ARHGEF18: variants seen among roughly 807,000 people sequenced by gnomAD.
ARHGEF18 encodes rho guanine nucleotide exchange factor 18.
In ARHGEF18, 93 loss-of-function variants were observed where a neutral mutation model predicts 155.7. The observed-to-expected ratio is 0.60, with a 90% CI of 0.50 to 0.71. The LOEUF (loss-of-function observed/expected upper bound fraction) is 0.71. ARHGEF18 is among the 30% of genes least tolerant of loss of function. The probability of loss-of-function intolerance (pLI) is 0.00; values close to 1 mark genes in which losing one functional copy is unlikely to be tolerated. For missense variants in ARHGEF18, 1,593 were observed against 1,816.1 expected, an observed-to-expected ratio of 0.88 and a Z score of 2.23; for synonymous variants, 742 against 753.1, an observed-to-expected ratio of 0.99 and a Z score of 0.24.
chr19:7,353,603 GAAAA>G (rs939325292), intron 1 of ARHGEF18, among the ~76,000 whole-genome samples: 1 of 148,446 alleles, frequency 6.7e-6, no homozygotes, highest in South Asian at 2.1e-4. Flanking sequence ...AAAAAAAAAA[GAAAA>G]AGAAAAGAAA....
chr19:7,464,694 C>T lies in ARHGEF18; in HGVS notation c.2904+4C>T, dbSNP rs1464355605. On this transcript the variant is annotated splice_donor_region_variant and intron_variant, in intron 23 of 28. Coordinates refer to ENST00000668164, the MANE Select transcript of ARHGEF18 (RefSeq NM_001367823.1). ...CTCTGAGGAATCGCCGCAGGTGGTA[C>T]GTGGATATCCATTTGCTCGGTACAG... is the stretch of plus-strand genomic sequence containing the variant. The T allele has an allele frequency of 4.3e-6, 7 of 1,613,754 alleles. No homozygotes were observed. In the South Asian group the frequency reaches 4.4e-5, roughly 10 times the overall value.
rs1481550159 is a variant in ARHGEF18, at chr19:7,463,207, G to A, written c.2636-611G>A. On this transcript the variant is annotated intron_variant, in intron 21 of 28. Coordinates refer to ENST00000668164, the MANE Select transcript of ARHGEF18 (RefSeq NM_001367823.1). The surrounding 1 kb of genome is among the most constrained non-coding windows in gnomAD (Gnocchi z 5.2). ...CCAGAGCCTTTCCGCAGAATAAGAC[G>A]GCAGAGACGGGGGTCAGTCTTTCTC... Among the ~76,000 whole-genome samples, 6 of 152,104 alleles carry A rather than the reference G, an allele frequency of 3.9e-5. No individual in the cohort carries two copies. Among genetic ancestry groups the A allele is most frequent in the East Asian group, 1.9e-4 (1 of 5,192 alleles).
intron 10 of ARHGEF18, among the ~76,000 whole-genome samples, chr19:7,397,130 T>G (rs1971758038): frequency 6.6e-6 from 1 of 151,874 alleles, no homozygotes; most frequent in Non-Finnish European, 1.5e-5. Context: ...GAAGATGTGT[T>G]TGTTCTAGAG....
At chr19:7,355,952 A>G (rs1019060708) in intron 1 of ARHGEF18, among the ~76,000 whole-genome samples, 1 of 152,148 alleles carries the variant, frequency 6.6e-6, no homozygotes, top group African/African-American at 2.4e-5. Flanking sequence ...GTAAATTTGC[A>G]GAAAGAAAGT....
chr19:7,461,465 G>A (rs548205133), intron 20 of ARHGEF18, among the ~76,000 whole-genome samples: 34 of 152,186 alleles, frequency 2.2e-4, no homozygotes, highest in Admixed American at 2.1e-3. Flanking sequence ...CAGGAGAATC[G>A]CTTGAACCCG....
Position 7,421,197 on chromosome 19 carries a change from C to T in ARHGEF18, c.968-19147C>T, listed in dbSNP as rs1258608520. On this transcript the variant is annotated intron_variant, in intron 10 of 28. Coordinates refer to ENST00000668164, the MANE Select transcript of ARHGEF18 (RefSeq NM_001367823.1). ...TCTGCCCACTTCAGCCTCCAAATGCCGTTCCTCAGGATTATGTCTTTGACT... is the reference window on the plus strand; with the variant it reads ...TCTGCCCACTTCAGCCTCCAAATGCTGTTCCTCAGGATTATGTCTTTGACT... Among the ~76,000 whole-genome samples the T allele has an allele frequency of 5.9e-5, 9 of 152,098 alleles. No homozygotes were observed. The South Asian group carries it at 8.3e-4, about 14-fold the overall frequency.
intron 10 of ARHGEF18, among the ~76,000 whole-genome samples, chr19:7,396,156 CCCCTTATCTCTTGCTCTGT>C (rs1193509694): frequency 2.0e-5 from 3 of 152,124 alleles, no homozygotes; most frequent in Non-Finnish European, 4.4e-5. Context: ...TGGCTATCTG[CCCCTTATCTCTTGCTCTGT>C]TGAGATTAAA....
In ARHGEF18 at chr19:7,373,019, T is replaced by C; in HGVS notation, c.223T>C (p.Ser75Pro). 3 of 1,234,420 alleles carry C rather than the reference T, an allele frequency of 2.4e-6. No individual in the cohort carries two copies. The highest frequency in any genetic ancestry group is 3.0e-6 in the Non-Finnish European group (3 of 988,190). 76.5% of individuals were successfully genotyped at this position (1,234,420 alleles called of 1,614,324 possible). Residue 75 changes from serine (S) to proline (P), a missense_variant, in exon 3 of 29, where the codon TCA (serine) becomes CCA (proline). Physicochemically the swap from Ser to Pro is moderately conservative, Grantham distance 74. Coordinates refer to ENST00000668164, the MANE Select transcript of ARHGEF18 (RefSeq NM_001367823.1). ...FSSLAGSQDLSRRRSWERSRS... is the reference protein window; with the variant it reads ...FSSLAGSQDLPRRRSWERSRS... ...CAGCTTGGCAGGGTCCCAAGACCTGTCAAGGCGGCGCAGCTGGGAAAGGTC... is the reference window on the plus strand; with the variant it reads ...CAGCTTGGCAGGGTCCCAAGACCTGCCAAGGCGGCGCAGCTGGGAAAGGTC...
intron 10 of ARHGEF18, among the ~76,000 whole-genome samples, chr19:7,414,978 G>A (rs1972914663): frequency 1.3e-5 from 2 of 152,066 alleles, no homozygotes; most frequent in Non-Finnish European, 2.9e-5. Context: ...CTGGGCCACA[G>A]AGTAAAATTC....
chr19:7,465,851 C>T (rs1976574427), intron 23 of ARHGEF18, among the ~76,000 whole-genome samples: 3 of 152,164 alleles, frequency 2.0e-5, no homozygotes, highest in South Asian at 4.2e-4. Flanking sequence ...TTCAGGAGGC[C>T]GACTCGGGTG....
chr19:7,435,487 A>G (rs1215830070), intron 10 of ARHGEF18, among the ~76,000 whole-genome samples: 1 of 152,066 alleles, frequency 6.6e-6, no homozygotes, highest in Non-Finnish European at 1.5e-5. Flanking sequence ...TTCCCGGGGA[A>G]CAAATGGGCC....
intron 10 of ARHGEF18, among the ~76,000 whole-genome samples, chr19:7,385,868 TCTCCCCCCTCC>T (rs1568285778): frequency 2.9e-4 from 13 of 45,300 alleles, no homozygotes; most frequent in African/African-American, 1.0e-3. Context: ...TCTCTCTCTC[TCTCCCCCCTCC>T]CTCTCTCCCT....
At chr19:7,453,177 A>G (rs1975597271) in intron 16 of ARHGEF18, among the ~76,000 whole-genome samples, 2 of 152,084 alleles carry the variant, frequency 1.3e-5, no homozygotes, top group Non-Finnish European at 2.9e-5. Flanking sequence ...AGCCTGGGTG[A>G]CAGAGCCAGA....
In ARHGEF18 at chr19:7,440,094, G is replaced by A. The variant is rs1481787208; in HGVS notation, c.968-250G>A. ...CGCCGCGCCGGGTCCCGGAGCCCCG[G>A]GCGCGAACATGGGGAATGCGCACTC... On this transcript the variant is annotated intron_variant, in intron 10 of 28. Coordinates refer to ENST00000668164, the MANE Select transcript of ARHGEF18 (RefSeq NM_001367823.1). This position sits in a 1 kb window ranked among gnomAD's most constrained non-coding sequence, Gnocchi z 5.4. 77 of 1,550,224 alleles carry A rather than the reference G, an allele frequency of 5.0e-5. No individual in the cohort carries two copies. Among genetic ancestry groups the A allele is most frequent in the Non-Finnish European group, 6.1e-5 (70 of 1,146,528 alleles).
chr19:7,421,964 A>G (rs886362298), intron 10 of ARHGEF18, among the ~76,000 whole-genome samples: 1 of 151,684 alleles, frequency 6.6e-6, no homozygotes, highest in African/African-American at 2.4e-5. Flanking sequence ...CAAACCAGAC[A>G]TCTTCGTCAT....
At chr19:7,441,124 A>G (rs1974614523) in intron 11 of ARHGEF18, among the ~76,000 whole-genome samples, 1 of 147,880 alleles carries the variant, frequency 6.8e-6, no homozygotes, top group Non-Finnish European at 1.5e-5. Flanking sequence ...GGAAGTTACT[A>G]TGGAAGAAAT....
intron 2 of ARHGEF18, among the ~76,000 whole-genome samples, chr19:7,369,550 GCC>G: frequency 6.6e-6 from 1 of 152,158 alleles, no homozygotes; most frequent in African/African-American, 2.4e-5. Context: ...CGTAATCCCA[GCC>G]CTTTGGGAGG....
downstream of ARHGEF18, chr19:7,477,213 T>C: frequency 6.6e-7 from 1 of 1,503,810 alleles, no homozygotes; most frequent in Non-Finnish European, 8.9e-7. Context: ...CAGGGGGTAG[T>C]GGCCTCGGCC....
At chr19:7,386,964 T>G (rs1461318218) in intron 10 of ARHGEF18, among the ~76,000 whole-genome samples, 2 of 152,106 alleles carry the variant, frequency 1.3e-5, no homozygotes, top group Non-Finnish European at 2.9e-5. Flanking sequence ...CACCTCCTTA[T>G]GAGCTTTCAG....
Sources: allele counts gnomAD v4.1 joint callset (sites outside exome capture counted in the v4.1 genomes callset), GRCh38; gene constraint gnomAD v4.1.1; non-coding constraint Gnocchi (gnomAD v3.1); transcripts MANE v1.5; gene names NCBI Gene and HGNC (gene_info 2026-07-23, HGNC 2026-07-21).